Variants in OR5D3 observed in about 807,000 individuals in gnomAD.
OR5D3 encodes the protein olfactory receptor 5D3.
the OR5D3 span, among the ~76,000 whole-genome samples, chr11:55,725,463 C>A: frequency 6.6e-6 from 1 of 152,022 alleles, no homozygotes; most frequent in Non-Finnish European, 1.5e-5. Flanking sequence ...TTGTTTGTCA[C>A]CTACCTGTCT....
chr11:55,725,046 A>T, the OR5D3 span, among the ~76,000 whole-genome samples: 1 of 152,078 alleles, frequency 6.6e-6, no homozygotes, highest in Admixed American at 6.5e-5. Context: ...TCTGCATTGT[A>T]TTCACAAATG....
At chr11:55,729,385 A>T in the OR5D3 span, 1 of 151,810 alleles carries the variant, frequency 6.6e-6, no homozygotes, top group African/African-American at 2.4e-5. Flanking sequence ...CTTTTTTCCC[A>T]TGGAGGGCTG....
chr11:55,725,005 C>T, the OR5D3 span, among the ~76,000 whole-genome samples: 14 of 152,074 alleles, frequency 9.2e-5, no homozygotes, highest in Admixed American at 3.9e-4. Flanking sequence ...TTCTACAGTA[C>T]TTCCATTTTG....
At chr11:55,726,314 T>G in the OR5D3 span, 1 of 443,346 alleles carries the variant, frequency 2.3e-6, no homozygotes. Context: ...TTCCTGACCA[T>G]CTACACAATC....
At chr11:55,729,256 A>C in the OR5D3 span, 25 of 152,130 alleles carry the variant, frequency 1.6e-4, no homozygotes, top group African/African-American at 5.8e-4. Flanking sequence ...ATTTTAGATA[A>C]TGTAAGTGAG....
the OR5D3 span, chr11:55,728,073 G>A: frequency 1.3e-5 from 2 of 152,036 alleles, no homozygotes; most frequent in African/African-American, 2.4e-5. Flanking sequence ...GACCATTTGG[G>A]TGTCAAGAAT....
the OR5D3 span, chr11:55,726,201 A>AT: frequency 7.5e-6 from 3 of 398,544 alleles, no homozygotes; most frequent in Non-Finnish European, 1.3e-5. Context: ...CAACTTTCTT[A>AT]TTTTTTTCTC....
the OR5D3 span, chr11:55,727,024 G>A: frequency 5.0e-6 from 2 of 401,990 alleles, no homozygotes; most frequent in Non-Finnish European, 8.8e-6. Flanking sequence ...ATGGCTCATG[G>A]TCAAGGTGGC....
At chr11:55,726,639 C>T in the OR5D3 span, 2 of 400,738 alleles carry the variant, frequency 5.0e-6, no homozygotes, top group African/African-American at 4.1e-5. Context: ...GGCTTTGCTC[C>T]TTGTTAGTGG....
At chr11:55,727,005 CA>C in the OR5D3 span, 1 of 400,804 alleles carries the variant, frequency 2.5e-6, no homozygotes, top group Non-Finnish European at 4.4e-6. Context: ...TTCCTAACTC[CA>C]AAAGTTCATG....
chr11:55,724,882 C>A, the OR5D3 span, among the ~76,000 whole-genome samples: 3 of 151,972 alleles, frequency 2.0e-5, no homozygotes, highest in Admixed American at 1.3e-4. Flanking sequence ...TGGAAGATAT[C>A]TTTCCTACAG....
the OR5D3 span, chr11:55,727,208 A>G: frequency 6.3e-5 from 25 of 397,724 alleles, 1 homozygote; most frequent in African/African-American, 4.5e-4. Context: ...GCAGTTGTTC[A>G]ATAACTAGTC....
chr11:55,724,863 T>C, the OR5D3 span, among the ~76,000 whole-genome samples: 1 of 152,072 alleles, frequency 6.6e-6, no homozygotes, highest in Non-Finnish European at 1.5e-5. Flanking sequence ...GCTGAGTAAT[T>C]GGTCCTTTTG....
the OR5D3 span, chr11:55,723,931 C>A: frequency 1.1e-4 from 42 of 396,302 alleles, 1 homozygote; most frequent in Middle Eastern, 6.3e-4. Context: ...ACTCTCGACA[C>A]TCCTACTGTT....
At chr11:55,726,707 C>G in the OR5D3 span, 6 of 399,090 alleles carry the variant, frequency 1.5e-5, no homozygotes, top group Non-Finnish European at 2.7e-5. Context: ...TTTCTGTTGA[C>G]TTTATCTTTT....
At chr11:55,725,397 C>T in the OR5D3 span, among the ~76,000 whole-genome samples, 5 of 152,008 alleles carry the variant, frequency 3.3e-5, no homozygotes, top group Middle Eastern at 3.2e-3. Flanking sequence ...GGACAGAATG[C>T]AATTTTCCTA....
At chr11:55,724,906 G>A in the OR5D3 span, among the ~76,000 whole-genome samples, 1 of 151,954 alleles carries the variant, frequency 6.6e-6, no homozygotes, top group Non-Finnish European at 1.5e-5. Context: ...CAAGCTTGTG[G>A]GAACTAGAGA....
At chr11:55,726,385 C>A in the OR5D3 span, 4 of 473,776 alleles carry the variant, frequency 8.4e-6, no homozygotes, top group Non-Finnish European at 1.5e-5. Context: ...ACTCCACACC[C>A]CTATGTACTT....
At chr11:55,725,157 G>A in the OR5D3 span, among the ~76,000 whole-genome samples, 1 of 151,914 alleles carries the variant, frequency 6.6e-6, no homozygotes, top group East Asian at 1.9e-4. Flanking sequence ...AAATATAAAA[G>A]TGAATATCTA....
Sources: gnomAD v4.1 joint callset for allele counts (sites outside exome capture counted in the v4.1 genomes callset) on GRCh38, gnomAD v4.1.1 for gene constraint, MANE v1.5 for transcripts, NCBI Gene and HGNC (gene_info 2026-07-23, HGNC 2026-07-21) for gene names.